The following MARCHF1 variants were observed in gnomAD, a reference collection of about 807,000 sequenced individuals.
MARCHF1 encodes membrane associated ring-CH-type finger 1, also known as E3 ubiquitin-protein ligase MARCHF1.
In MARCHF1, 40 loss-of-function variants were observed where a neutral mutation model predicts 54.2. The ratio of observed to expected loss-of-function variants is 0.74; its 90% CI spans 0.57 to 0.96. The LOEUF is 0.96. MARCHF1 is among the 40% of genes least tolerant of loss of function. MARCHF1 has a pLI of 0.00. For synonymous variants in MARCHF1, 236 were observed against 236.3 expected (o/e 1.00, Z 0.01); for missense variants, 586 against 656.5 (o/e 0.89, Z 1.17).
chr4:164,002,720 C>T (rs533695024), intron 2 of MARCHF1, among the ~76,000 whole-genome samples: 84 of 151,820 alleles, frequency 5.5e-4, no homozygotes, highest in Admixed American at 1.9e-3. Flanking sequence ...CCCATCAAAT[C>T]CCAAACTTAA....
intron 1 of MARCHF1, among the ~76,000 whole-genome samples, chr4:164,267,130 G>A (rs998988926): frequency 4.6e-5 from 7 of 152,070 alleles, no homozygotes; most frequent in African/African-American, 1.7e-4. Flanking sequence ...GAAATTGTAT[G>A]GAAGGAAGGT....
chr4:164,170,826 G>A (rs942444081), intron 1 of MARCHF1, among the ~76,000 whole-genome samples: 3 of 152,138 alleles, frequency 2.0e-5, no homozygotes, highest in African/African-American at 7.2e-5. Context: ...CTGTGGAGGT[G>A]AGAAGAAATG....
intron 1 of MARCHF1, among the ~76,000 whole-genome samples, chr4:164,226,657 ATGTG>A (rs767531725): frequency 6.6e-6 from 1 of 151,624 alleles, no homozygotes; most frequent in Non-Finnish European, 1.5e-5. Context: ...ATTTGTGTGT[ATGTG>A]TGTGTGTATA....
chr4:164,059,810 T>C (rs1754575518), intron 2 of MARCHF1, among the ~76,000 whole-genome samples: 1 of 152,190 alleles, frequency 6.6e-6, no homozygotes, highest in South Asian at 2.1e-4. Flanking sequence ...ATTTTATACT[T>C]GTTTGAAATG....
At chr4:164,260,626 T>C (rs894570466) in intron 1 of MARCHF1, among the ~76,000 whole-genome samples, 1 of 152,248 alleles carries the variant, frequency 6.6e-6, no homozygotes, top group African/African-American at 2.4e-5. Context: ...TGAACTATTT[T>C]CTGTCATTCC....
chr4:164,143,895 A>G (rs1273869715), intron 1 of MARCHF1, among the ~76,000 whole-genome samples: 1 of 152,238 alleles, frequency 6.6e-6, no homozygotes, highest in Non-Finnish European at 1.5e-5. Context: ...ATAAAGAGTC[A>G]AGACCCATCA....
chr4:164,192,523 A>G (rs868554850), intron 1 of MARCHF1, among the ~76,000 whole-genome samples: 2 of 152,148 alleles, frequency 1.3e-5, no homozygotes. Context: ...ACAAGTATTA[A>G]CTGAGACTTT....
chr4:164,201,595 T>G (rs1241922167), intron 1 of MARCHF1, among the ~76,000 whole-genome samples: 18 of 152,146 alleles, frequency 1.2e-4, no homozygotes, highest in Middle Eastern at 3.2e-3. Context: ...TCAAGACATG[T>G]TGGTGGTCTG....
At chr4:163,673,574 A>G (rs1355108332) in intron 5 of MARCHF1, among the ~76,000 whole-genome samples, 1 of 152,154 alleles carries the variant, frequency 6.6e-6, no homozygotes, top group South Asian at 2.1e-4. Context: ...TAAAATAGCC[A>G]TTTTAGGAAA....
chr4:163,906,532 T>C (rs1409937509), intron 3 of MARCHF1, among the ~76,000 whole-genome samples: 1 of 151,956 alleles, frequency 6.6e-6, no homozygotes. Flanking sequence ...ATAATTAATA[T>C]GTACAACTAC....
At position 164,192,798 on chromosome 4, in the gene MARCHF1, A is replaced by G. The variant is rs547537770; in HGVS notation, c.-322-81136T>C. Among the ~76,000 whole-genome samples, 25 of 152,346 alleles carry G rather than the reference A, an allele frequency of 1.6e-4. 1 individual carries two copies. The Middle Eastern group carries it at 0.01, about 62-fold the overall frequency. Reference sequence around the variant, plus strand: ...CATGCCAGAAAGTCCTCTTCCCCTTAAGAAATTATTCAAACCACTATACTA... The same window carrying G: ...CATGCCAGAAAGTCCTCTTCCCCTTGAGAAATTATTCAAACCACTATACTA... On this transcript the variant is annotated intron_variant, in intron 1 of 9. Coordinates refer to ENST00000514618, the MANE Select transcript of MARCHF1 (RefSeq NM_001394959.1).
chr4:164,213,634 A>G (rs1399368065), intron 1 of MARCHF1, among the ~76,000 whole-genome samples: 1 of 152,172 alleles, frequency 6.6e-6, no homozygotes, highest in Non-Finnish European at 1.5e-5. Context: ...TTAGGTTATC[A>G]ATATTTTTAA....
intron 7 of MARCHF1, among the ~76,000 whole-genome samples, chr4:163,611,982 A>C (rs1318742061): frequency 6.6e-6 from 1 of 152,136 alleles, no homozygotes; most frequent in Non-Finnish European, 1.5e-5. Context: ...TATTACTGTC[A>C]TAACTAGAAT....
At chr4:163,810,791 C>G (rs944447109) in intron 4 of MARCHF1, among the ~76,000 whole-genome samples, 2 of 151,694 alleles carry the variant, frequency 1.3e-5, no homozygotes, top group African/African-American at 4.8e-5. Context: ...TAAGAATTAA[C>G]AAGAATTTTA....
chr4:163,578,946 G>A lies in MARCHF1; in HGVS notation c.1191+6803C>T, dbSNP rs180901451. ...ATTCAGAACATAGTTTGCTGGTGATGTGAACTGAACTCTGACTAGAGGGAG... is the reference window on the plus strand; with the variant it reads ...ATTCAGAACATAGTTTGCTGGTGATATGAACTGAACTCTGACTAGAGGGAG... On this transcript the variant is annotated intron_variant, in intron 8 of 9. Transcript: ENST00000514618. Among the ~76,000 whole-genome samples the A allele has an allele frequency of 2.6e-4, 40 of 152,276 alleles. No individual in the cohort carries two copies. In the East Asian group the frequency reaches 5.8e-3, roughly 22 times the overall value.
chr4:164,148,098 T>C (rs944688252), intron 1 of MARCHF1, among the ~76,000 whole-genome samples: 1 of 151,738 alleles, frequency 6.6e-6, no homozygotes, highest in African/African-American at 2.4e-5. Context: ...ATTATGGTAA[T>C]AGCTCTCCAG....
rs1341758500 is a variant in MARCHF1, at chr4:163,549,679, G to T, written c.1192-3936C>A. Among the ~76,000 whole-genome samples, 3 of 78,370 alleles carry T rather than the reference G, an allele frequency of 3.8e-5. No individual in the cohort carries two copies. The Admixed American group carries it at 4.7e-4, about 12-fold the overall frequency. 51.4% of individuals were successfully genotyped at this position (78,370 alleles called of 152,430 possible). A position where few individuals can be genotyped will look rare whatever the true frequency, so the allele number is the denominator to read the frequency against. On this transcript the variant is annotated intron_variant, in intron 8 of 9. Transcript: ENST00000514618. ...TGCCTGTTTTACTGTTCTTGCTTTT[G>T]ATTTTTTTTTTTTTTTTGCAGAAGC...
chr4:163,705,896 A>G (rs1358696052), intron 4 of MARCHF1, among the ~76,000 whole-genome samples: 1 of 152,064 alleles, frequency 6.6e-6, no homozygotes, highest in Non-Finnish European at 1.5e-5. Flanking sequence ...TATTAATGAC[A>G]TAACATCTTA....
chr4:163,819,304 A>G (rs1748628155), intron 4 of MARCHF1, among the ~76,000 whole-genome samples: 1 of 152,030 alleles, frequency 6.6e-6, no homozygotes, highest in African/African-American at 2.4e-5. Context: ...CTTTAACTTT[A>G]ATAACATACT....
Sources: allele counts gnomAD v4.1 joint callset (sites outside exome capture counted in the v4.1 genomes callset), GRCh38; gene constraint gnomAD v4.1.1; transcripts MANE v1.5; gene names NCBI Gene and HGNC (gene_info 2026-07-23, HGNC 2026-07-21).